Variants in LAMA2 observed in about 807,000 individuals in gnomAD.
LAMA2 encodes the protein laminin subunit alpha 2.
LAMA2 carries 269 observed loss-of-function variants against 364.8 expected under a neutral mutation model. The ratio of observed to expected loss-of-function variants is 0.74; its 90% CI spans 0.67 to 0.82. The LOEUF is 0.82. Among genes scored for constraint, LAMA2 ranks in the 40% least tolerant of loss-of-function variants. The pLI, the probability that LAMA2 is intolerant of heterozygous loss-of-function variation, is 0.00. For synonymous variants in LAMA2, 1,379 were observed against 1,370.6 expected, an observed-to-expected ratio of 1.01 and a Z score of -0.14; for missense variants, 3,807 against 3,873.2, an observed-to-expected ratio of 0.98 and a Z score of 0.45.
intron 23 of LAMA2, 81 bp downstream of exon 23, chr6:129,313,178 T>C (rs375067008): frequency 1.2e-6 from 1 of 822,086 alleles, no homozygotes; most frequent in Admixed American, 2.3e-5. Context: ...ATTCAGTGTT[T>C]GTTATACCTG....
chr6:129,311,127 CTT>C (rs536502720), intron 22 of LAMA2, among the ~76,000 whole-genome samples: 5 of 141,782 alleles, frequency 3.5e-5, no homozygotes, highest in Non-Finnish European at 4.7e-5. Flanking sequence ...GATGAAGATT[CTT>C]TTTTTTTTTT....
intron 52 of LAMA2, among the ~76,000 whole-genome samples, chr6:129,474,267 C>T (rs1051732402): frequency 3.3e-5 from 5 of 152,048 alleles, no homozygotes; most frequent in Admixed American, 6.6e-5. Flanking sequence ...CATTTCTAAA[C>T]GAGCAGTGAA....
chr6:129,304,790 T>G (rs1773766209), intron 22 of LAMA2, among the ~76,000 whole-genome samples: 1 of 152,252 alleles, frequency 6.6e-6, no homozygotes, highest in African/African-American at 2.4e-5. Flanking sequence ...GTATCGTTAC[T>G]GTTACTAGTA....
At chr6:128,972,236 GTTCTA>G (rs773448916) in intron 1 of LAMA2, among the ~76,000 whole-genome samples, 15 of 152,092 alleles carry the variant, frequency 9.9e-5, no homozygotes, top group Non-Finnish European at 2.2e-4. Context: ...AAAAAAATCT[GTTCTA>G]TTCACTGTCT....
intron 1 of LAMA2, among the ~76,000 whole-genome samples, chr6:128,944,373 A>G (rs1047575425): frequency 6.6e-6 from 1 of 152,244 alleles, no homozygotes; most frequent in Non-Finnish European, 1.5e-5. Flanking sequence ...TCTTCTGTTT[A>G]CTAGGTTAAA....
chr6:129,349,446 C>T, intron 31 of LAMA2, 62 bp downstream of exon 31: 1 of 1,243,212 alleles, frequency 8.0e-7, no homozygotes, highest in Non-Finnish European at 1.2e-6. Context: ...TAAAGGGTCA[C>T]AATAGGAAAA....
chr6:129,004,539 C>T (rs1293697804), intron 1 of LAMA2, among the ~76,000 whole-genome samples: 2 of 151,820 alleles, frequency 1.3e-5, no homozygotes, highest in African/African-American at 4.8e-5. Flanking sequence ...TGTATTTCCA[C>T]AATACAGGGA....
chr6:128,972,655 T>C (rs2114619877), intron 1 of LAMA2, among the ~76,000 whole-genome samples: 1 of 152,198 alleles, frequency 6.6e-6, no homozygotes, highest in Middle Eastern at 3.4e-3. Flanking sequence ...CTGTATGACT[T>C]GAGAGTGTAT....
intron 3 of LAMA2, among the ~76,000 whole-genome samples, chr6:129,074,591 T>C (rs1049285650): frequency 2.0e-5 from 3 of 152,194 alleles, no homozygotes; most frequent in African/African-American, 7.2e-5. Flanking sequence ...CCAGCTTTTA[T>C]GGTTGTTGTC....
chr6:129,090,599 C>A (rs1296458667), intron 3 of LAMA2, among the ~76,000 whole-genome samples: 5 of 152,124 alleles, frequency 3.3e-5, no homozygotes, highest in Non-Finnish European at 5.9e-5. Context: ...CGTTGTGTGT[C>A]CAGTAGTGTT....
intron 1 of LAMA2, among the ~76,000 whole-genome samples, chr6:128,931,121 C>G (rs188048626): frequency 9.3e-4 from 142 of 152,260 alleles, no homozygotes; most frequent in African/African-American, 3.4e-3. Context: ...AGCAATTGGA[C>G]CATTTTTGTC....
intron 64 of LAMA2, among the ~76,000 whole-genome samples, chr6:129,515,229 G>A (rs1786953676): frequency 6.6e-6 from 1 of 152,174 alleles, no homozygotes; most frequent in Admixed American, 6.5e-5. Context: ...TCCTGGAATG[G>A]TCTTTCATCA....
intron 3 of LAMA2, among the ~76,000 whole-genome samples, chr6:129,072,969 T>G (rs1455921097): frequency 3.9e-5 from 6 of 152,136 alleles, no homozygotes; most frequent in African/African-American, 1.4e-4. Context: ...ACTTTGTTTA[T>G]TTATTTATTT....
chr6:129,307,262 T>C (rs1425348123), intron 22 of LAMA2, among the ~76,000 whole-genome samples: 5 of 152,172 alleles, frequency 3.3e-5, no homozygotes, highest in Admixed American at 3.3e-4. Context: ...CTGTTGAAAA[T>C]ATGGCTTATT....
At chr6:129,492,601 T>C in intron 58 of LAMA2, 118 bp downstream of exon 58, 1 of 922,178 alleles carries the variant, frequency 1.1e-6, no homozygotes, top group South Asian at 1.4e-5. Context: ...GAAAGAAATA[T>C]AACCTATCTA....
chr6:129,413,359 A>G (rs1025195985), intron 40 of LAMA2, among the ~76,000 whole-genome samples: 3 of 152,144 alleles, frequency 2.0e-5, no homozygotes, highest in African/African-American at 7.2e-5. Context: ...TGATTTTACC[A>G]TATCTCTCTT....
chr6:129,346,209 T>C (rs1427071296), intron 30 of LAMA2, among the ~76,000 whole-genome samples: 3 of 152,202 alleles, frequency 2.0e-5, no homozygotes, highest in Non-Finnish European at 4.4e-5. Flanking sequence ...AGAAACCCTC[T>C]GTAATCTGAC....
At chr6:129,009,960 G>C (rs1172462931) in intron 1 of LAMA2, among the ~76,000 whole-genome samples, 2 of 152,146 alleles carry the variant, frequency 1.3e-5, no homozygotes, top group Non-Finnish European at 2.9e-5. Context: ...CTGCTTGTCT[G>C]ATTGTAACAG....
intron 17 of LAMA2, among the ~76,000 whole-genome samples, chr6:129,270,958 A>T (rs768370080): frequency 6.6e-6 from 1 of 152,162 alleles, no homozygotes; most frequent in Non-Finnish European, 1.5e-5. Flanking sequence ...TTTTAGCTCT[A>T]GTTTTGGTGA....
Sources: gnomAD v4.1 joint callset for allele counts (sites outside exome capture counted in the v4.1 genomes callset) on GRCh38, gnomAD v4.1.1 for gene constraint, MANE v1.5 for transcripts, NCBI Gene and HGNC (gene_info 2026-07-23, HGNC 2026-07-21) for gene names.